The following TCERG1 variants were observed in gnomAD, a reference collection of about 807,000 sequenced individuals.
TCERG1 encodes the protein TATA box binding protein (TBP)-associated factor, RNA polymerase II, S, 150kD.
A neutral mutation model predicts 144.7 loss-of-function variants in TCERG1; 37 were observed. The observed-to-expected ratio is 0.26, with a 90% CI of 0.20 to 0.34. The LOEUF (loss-of-function observed/expected upper bound fraction) is 0.34, where lower values mean the gene tolerates loss of function less well. Among genes scored for constraint, TCERG1 ranks in the 10% least tolerant of loss-of-function variants. The pLI, the probability that TCERG1 is intolerant of heterozygous loss-of-function variation, is 1.00. For synonymous variants in TCERG1, 492 were observed against 458.2 expected, an observed-to-expected ratio of 1.07 and a Z score of -0.94; for missense variants, 1,027 against 1,380.7, an observed-to-expected ratio of 0.74 and a Z score of 4.06.
At chr5:146,490,743 TTC>T (rs1421865265) in intron 15 of TCERG1, among the ~76,000 whole-genome samples, 2 of 152,192 alleles carry the variant, frequency 1.3e-5, no homozygotes, top group Non-Finnish European at 2.9e-5. Flanking sequence ...GTTTCCAGTT[TTC>T]TCTGTTTTTT....
intron 10 of TCERG1, among the ~76,000 whole-genome samples, chr5:146,479,542 A>C (rs910706313): frequency 1.3e-5 from 2 of 152,138 alleles, no homozygotes; most frequent in Non-Finnish European, 2.9e-5. Flanking sequence ...ATTTGTTTTT[A>C]AATATTTGAT....
intron 9 of TCERG1, among the ~76,000 whole-genome samples, chr5:146,472,498 A>G (rs760463883): frequency 1.2e-4 from 18 of 152,220 alleles, no homozygotes; most frequent in Non-Finnish European, 1.8e-4. Context: ...GGGTGCCACA[A>G]ACCACACCCA....
intron 7 of TCERG1, among the ~76,000 whole-genome samples, chr5:146,470,229 C>T (rs1764161830): frequency 1.3e-5 from 2 of 152,168 alleles, no homozygotes; most frequent in Non-Finnish European, 2.9e-5. Context: ...TCTTGAACTC[C>T]TGGGCTTAAG....
intron 19 of TCERG1, among the ~76,000 whole-genome samples, chr5:146,504,687 G>T (rs1348962730): frequency 1.3e-5 from 2 of 152,130 alleles, no homozygotes; most frequent in Non-Finnish European, 2.9e-5. Flanking sequence ...CTCTACCCAG[G>T]AGTATCCAAT....
chr5:146,452,180 G>A lies in TCERG1; in HGVS notation c.60-2876G>A, dbSNP rs143728234. Among the ~76,000 whole-genome samples the A allele has an allele frequency of 2.6e-3, 390 of 152,258 alleles. 1 individual carries two copies. The highest frequency in any genetic ancestry group is 8.6e-3 in the African/African-American group (357 of 41,540). On this transcript the variant is annotated intron_variant, in intron 1 of 22. Transcript: ENST00000679501. The stretch of plus-strand genomic sequence containing the variant: ...AGAAAGTTCAAAGGGTAATCTATAA[G>A]CAGAGGGTTGAAAAATGTCAGAAAG...
chr5:146,498,033 A>G (rs1253286743), intron 16 of TCERG1, among the ~76,000 whole-genome samples: 3 of 152,118 alleles, frequency 2.0e-5, no homozygotes, highest in Admixed American at 2.0e-4. Flanking sequence ...ATGGTACTCT[A>G]GTTGGACTTG....
chr5:146,463,445 G>A (rs1763511126), intron 4 of TCERG1, 106 bp from the exon 5 acceptor site: 1 of 1,520,192 alleles, frequency 6.6e-7, no homozygotes, highest in African/African-American at 1.4e-5. Flanking sequence ...GCAGTGCATA[G>A]AATGGTCCCT....
At chr5:146,498,348 C>G (rs1767126216) in intron 16 of TCERG1, among the ~76,000 whole-genome samples, 188 bp from the exon 17 acceptor site, 1 of 151,620 alleles carries the variant, frequency 6.6e-6, no homozygotes, top group South Asian at 2.1e-4. Flanking sequence ...CATACAAATC[C>G]CTTAACCACA....
chr5:146,447,646 C>T (rs890286882), intron 1 of TCERG1, among the ~76,000 whole-genome samples: 3 of 152,350 alleles, frequency 2.0e-5, no homozygotes, highest in South Asian at 2.1e-4. Flanking sequence ...TTCTTGGGGC[C>T]TCGCCGCCTC....
rs1246184309 is a variant in TCERG1 at position 146,498,629 on chromosome 5, G to T, written c.2376G>T (p.Glu792Asp). The stretch of plus-strand genomic sequence containing the variant: ...AAGACCGAGAAGCCTTGTTTAATGA[G>T]TTTGTGGCCGCTGCTAGGAAGAAAG... ...KMKDREALFNEFVAAARKKEK... is the reference protein window; with the variant it reads ...KMKDREALFNDFVAAARKKEK... Residue 792 changes from glutamate to aspartate, a missense_variant, in exon 17 of 23, where the codon GAG becomes GAT. Physicochemically the swap from Glu to Asp is conservative, Grantham distance 45. This residue lies in a region of TCERG1 where 482 missense variants were observed against 632.6 expected (regional missense o/e 0.76). Coordinates refer to ENST00000679501, the MANE Select transcript of TCERG1 (RefSeq NM_001382548.1). The T allele has an allele frequency of 8.1e-6, 13 of 1,611,986 alleles. No homozygotes were observed. The East Asian group carries it at 2.9e-4, about 36-fold the overall frequency.
intron 15 of TCERG1, among the ~76,000 whole-genome samples, chr5:146,487,925 A>C (rs1766002438): frequency 6.6e-6 from 1 of 152,174 alleles, no homozygotes; most frequent in Non-Finnish European, 1.5e-5. Context: ...GGAACAGAAT[A>C]GGGAACTCAG....
Position 146,507,530 on chromosome 5 carries a change from G to A in TCERG1, c.2961+323G>A. The A allele has an allele frequency of 3.0e-6, 1 of 328,572 alleles. No homozygotes were observed. The highest frequency in any genetic ancestry group is 9.3e-5 in the South Asian group (1 of 10,770). The allele number at this position is 328,572 out of a possible 1,614,324, so 20.4% of individuals were successfully genotyped here. On this transcript the variant is annotated intron_variant, in intron 20 of 22. Transcript: ENST00000679501. This position sits in a 1 kb window ranked among gnomAD's most constrained non-coding sequence, Gnocchi z 4.6. ...AATTTGGTACTATGGCCTCTTGTTC[G>A]GCAGTTTGTACGCTTTGTTATCCAG...
At chr5:146,476,920 T>C (rs1764894371) in intron 9 of TCERG1, among the ~76,000 whole-genome samples, 2 of 152,206 alleles carry the variant, frequency 1.3e-5, no homozygotes, top group Admixed American at 6.5e-5. Flanking sequence ...CACGCCTGGA[T>C]AATTTAAAAT....
chr5:146,500,685 T>C (rs940743991), intron 17 of TCERG1, among the ~76,000 whole-genome samples: 12 of 152,172 alleles, frequency 7.9e-5, no homozygotes, highest in African/African-American at 2.7e-4. Flanking sequence ...TTCATGTAGT[T>C]TTTACCACTA....
At chr5:146,447,811 G>A (rs1411634179) in intron 1 of TCERG1, among the ~76,000 whole-genome samples, 2 of 152,252 alleles carry the variant, frequency 1.3e-5, no homozygotes, top group Non-Finnish European at 2.9e-5. Context: ...GCACTCCGCA[G>A]TTACTTTCCC....
In TCERG1 at chr5:146,472,299, G is replaced by GA. The variant is rs149275521; in HGVS notation, c.1601+726dup. Reference sequence around the variant, plus strand: ...CATAGATACTGTGTTTTTAAAAATTGAAAGTTTTGTGGCAACCCTGTATCT... The same window carrying GA: ...CATAGATACTGTGTTTTTAAAAATTGAAAAGTTTTGTGGCAACCCTGTATCT... On this transcript the variant is annotated intron_variant, in intron 9 of 22. Transcript: ENST00000679501. Among the ~76,000 whole-genome samples, 645 of 152,052 alleles carry GA rather than the reference G, an allele frequency of 4.2e-3. 2 individuals are homozygous for GA. Among genetic ancestry groups the GA allele is most frequent in the African/African-American group, 0.015 (612 of 41,498 alleles).
At chr5:146,508,243 G>A (rs1219262889) in intron 21 of TCERG1, among the ~76,000 whole-genome samples, 1 of 152,184 alleles carries the variant, frequency 6.6e-6, no homozygotes, top group Non-Finnish European at 1.5e-5. Context: ...GGTACCACTA[G>A]ACAGACATAT....
chr5:146,491,298 T>C (rs1766397779), intron 15 of TCERG1, among the ~76,000 whole-genome samples: 1 of 152,066 alleles, frequency 6.6e-6, no homozygotes, highest in Non-Finnish European at 1.5e-5. Flanking sequence ...TTGGGTATTC[T>C]TAGCATTTAG....
chr5:146,502,629 AGTT>A (rs1219003684), intron 17 of TCERG1, among the ~76,000 whole-genome samples: 1 of 152,180 alleles, frequency 6.6e-6, no homozygotes, highest in Non-Finnish European at 1.5e-5. Flanking sequence ...TTGGTATTTC[AGTT>A]GTTGAGTATA....
Sources: gnomAD v4.1 joint callset for allele counts (sites outside exome capture counted in the v4.1 genomes callset) on GRCh38, gnomAD v4.1.1 for gene constraint, gnomAD v4.1.1 regional missense constraint, Gnocchi (gnomAD v3.1) non-coding constraint, MANE v1.5 for transcripts, NCBI Gene and HGNC (gene_info 2026-07-23, HGNC 2026-07-21) for gene names.